PDE1C: variants seen among roughly 807,000 people sequenced by gnomAD.
PDE1C encodes the protein phosphodiesterase 1C, also known as dual specificity calcium/calmodulin-dependent 3',5'-cyclic nucleotide phosphodiesterase 1C.
In PDE1C, 62 loss-of-function variants were observed where a neutral mutation model predicts 93.1. That is an observed-to-expected ratio of 0.67 (90% confidence interval 0.54 to 0.82). PDE1C has a LOEUF of 0.82. PDE1C is among the 40% of genes least tolerant of loss of function. PDE1C has a pLI of 0.00. For synonymous variants in PDE1C, 325 were observed against 310.1 expected (o/e 1.05, Z -0.50); for missense variants, 742 against 884.6 (o/e 0.84, Z 2.04).
chr7:31,733,059 T>C, the PDE1C span, among the ~76,000 whole-genome samples: 1 of 152,230 alleles, frequency 6.6e-6, no homozygotes, highest in African/African-American at 2.4e-5. Flanking sequence ...AATGTCTATT[T>C]TCTTTTGTTC....
chr7:31,711,342 T>A, the PDE1C span, among the ~76,000 whole-genome samples: 4 of 152,364 alleles, frequency 2.6e-5, no homozygotes, highest in Admixed American at 6.5e-5. Flanking sequence ...TCTGAGCCCT[T>A]GCATTTGCTC....
intron 3 of PDE1C, among the ~76,000 whole-genome samples, chr7:32,111,346 T>C (rs1798629597): frequency 6.6e-6 from 1 of 152,206 alleles, no homozygotes; most frequent in Admixed American, 6.5e-5. Context: ...GATTCTAAAA[T>C]CTTCTAAAGA....
At chr7:32,183,320 C>CA (rs1803577347) in intron 2 of PDE1C, among the ~76,000 whole-genome samples, 1 of 152,070 alleles carries the variant, frequency 6.6e-6, no homozygotes, top group South Asian at 2.1e-4. Flanking sequence ...CAGGTGGAAC[C>CA]AAAAAAGAGC....
intron 16 of PDE1C, among the ~76,000 whole-genome samples, chr7:31,791,380 G>A (rs1784577870): frequency 6.6e-6 from 1 of 152,068 alleles, no homozygotes. Flanking sequence ...TCCAATACTA[G>A]CACTGATAAA....
chr7:32,256,896 C>T (rs1004761734), intron 1 of PDE1C, among the ~76,000 whole-genome samples: 1 of 152,218 alleles, frequency 6.6e-6, no homozygotes, highest in Non-Finnish European at 1.5e-5. Flanking sequence ...CTAGTTTCAG[C>T]TTCTTGTTTT....
At chr7:32,078,666 T>C (rs996877443) in intron 3 of PDE1C, among the ~76,000 whole-genome samples, 28 of 152,140 alleles carry the variant, frequency 1.8e-4, no homozygotes, top group Admixed American at 3.3e-4. Flanking sequence ...AGCTCACACC[T>C]ATAATCCCGG....
At chr7:31,812,580 A>T (rs1787690591) in intron 15 of PDE1C, among the ~76,000 whole-genome samples, 1 of 152,162 alleles carries the variant, frequency 6.6e-6, no homozygotes, top group Admixed American at 6.5e-5. Flanking sequence ...TATTATGTAG[A>T]ATTCAAATTT....
At chr7:32,301,984 T>C (rs1020920533), upstream of PDE1C, among the ~76,000 whole-genome samples, 12 of 152,240 alleles carry the variant, frequency 7.9e-5, no homozygotes, top group Middle Eastern at 3.2e-3. Context: ...GAAACTTGAA[T>C]TTTAGTATCC....
intron 2 of PDE1C, among the ~76,000 whole-genome samples, chr7:32,017,851 G>A (rs1355626556): frequency 6.6e-6 from 1 of 152,076 alleles, no homozygotes; most frequent in African/African-American, 2.4e-5. Flanking sequence ...GGCTGAGGAT[G>A]GTGGATTGCT....
chr7:32,319,053 G>A (rs1477683168), intron 1 of PDE1C, among the ~76,000 whole-genome samples: 1 of 152,228 alleles, frequency 6.6e-6, no homozygotes, highest in East Asian at 1.9e-4. Flanking sequence ...GGAAGCAGGC[G>A]GGAGGATTTG....
intron 9 of PDE1C, among the ~76,000 whole-genome samples, chr7:31,840,340 A>G (rs538484085): frequency 6.6e-6 from 1 of 152,316 alleles, no homozygotes; most frequent in South Asian, 2.1e-4. Context: ...ATTGAGTTAT[A>G]AAAGTACCTT....
chr7:32,054,161 G>A (rs373258020), intron 1 of PDE1C, among the ~76,000 whole-genome samples: 4 of 152,052 alleles, frequency 2.6e-5, no homozygotes, highest in Admixed American at 6.5e-5. Context: ...GTGGGAAGCC[G>A]CATTACACAC....
chr7:32,053,033 A>T (rs997026862), intron 1 of PDE1C, among the ~76,000 whole-genome samples: 2 of 152,222 alleles, frequency 1.3e-5, no homozygotes, highest in Non-Finnish European at 2.9e-5. Context: ...TGTTTATATT[A>T]TATCACATAT....
At chr7:32,426,541 T>C (rs10250808) in intron 1 of PDE1C, among the ~76,000 whole-genome samples, 27,439 of 152,014 alleles carry the variant, frequency 0.18, 2,616 homozygotes, top group East Asian at 0.3. Flanking sequence ...CTGGGATCAC[T>C]GCACCTGGCT....
chr7:31,971,934 G>A, intron 2 of PDE1C, among the ~76,000 whole-genome samples: 1 of 152,276 alleles, frequency 6.6e-6, no homozygotes, highest in East Asian at 1.9e-4. Flanking sequence ...ACTGTAACTA[G>A]TCTTGGGTGT....
chr7:32,315,449 T>C (rs1391511303), intron 1 of PDE1C, among the ~76,000 whole-genome samples: 4 of 152,136 alleles, frequency 2.6e-5, no homozygotes, highest in Non-Finnish European at 5.9e-5. Context: ...ACAGTGATTA[T>C]ATTCCAGTGC....
the PDE1C span, among the ~76,000 whole-genome samples, chr7:31,627,659 C>CAAAAAAAAAAAAAAAAAAAAAAAA: frequency 1.3e-5 from 1 of 75,518 alleles, no homozygotes; most frequent in African/African-American, 5.3e-5. Context: ...GACACTGTCT[C>CAAAAAAAAAAAAAAAAAAAAAAAA]AAAAAAAAAA....
At chr7:31,629,720 A>G in the PDE1C span, among the ~76,000 whole-genome samples, 7 of 152,200 alleles carry the variant, frequency 4.6e-5, no homozygotes, top group African/African-American at 1.7e-4. Context: ...GTGGAGGTGC[A>G]TAGTTGTATT....
chr7:32,419,711 A>G (rs1391390649), intron 1 of PDE1C, among the ~76,000 whole-genome samples: 2 of 152,080 alleles, frequency 1.3e-5, no homozygotes, highest in African/African-American at 4.8e-5. Context: ...CTGAGAAGGA[A>G]AAACCCAGGG....
Sources: allele counts gnomAD v4.1 joint callset (sites outside exome capture counted in the v4.1 genomes callset), GRCh38; gene constraint gnomAD v4.1.1; transcripts MANE v1.5; gene names NCBI Gene and HGNC (gene_info 2026-07-23, HGNC 2026-07-21).